Variants in GNL3L observed in about 807,000 individuals in gnomAD.
GNL3L encodes guanine nucleotide-binding protein-like 3-like protein.
GNL3L carries 4 observed loss-of-function variants against 42.9 expected under a neutral mutation model. The observed-to-expected ratio is 0.09, with a 90% CI of 0.05 to 0.21. The LOEUF (loss-of-function observed/expected upper bound fraction) is 0.21, where lower values mean the gene tolerates loss of function less well. GNL3L is among the 10% of genes least tolerant of loss of function. The pLI, the probability that GNL3L is intolerant of heterozygous loss-of-function variation, is 1.00. For missense variants in GNL3L, 412 were observed against 481.7 expected (o/e 0.86, Z 1.36); for synonymous variants, 159 against 176.3 (o/e 0.90, Z 0.78).
intron 12 of GNL3L, 150 bp from the exon 13 acceptor site, chrX:54,552,142 A>G (rs758906988): frequency 2.5e-5 from 19 of 770,755 alleles, no homozygotes; most frequent in Non-Finnish European, 3.3e-5. Flanking sequence ...CCCAGTGATT[A>G]TCCAGCAACT....
Position 54,563,240 on chromosome X carries a change from G to T in GNL3L, c.*2638G>T, listed in dbSNP as rs957152398. The stretch of plus-strand genomic sequence containing the variant: ...TACAGACAGTCCCCGACTTTTGGTG[G>T]TTTGATGTGGGATTTTTGGTGGAAA... On this transcript the variant is annotated 3_prime_UTR_variant, in exon 16 of 16. Transcript: ENST00000360845. 9.0e-6 allele frequency among the ~76,000 whole-genome samples: 1 copy of T among 111,344 alleles called. No homozygotes were observed. The highest frequency in any genetic ancestry group is 3.3e-5 in the African/African-American group (1 of 30,629).
rs869217575 is a variant in GNL3L, at chrX:54,579,986, G to GTTT, written c.*45+19364_*45+19366dup. Among the ~76,000 whole-genome samples, 128 of 47,661 alleles carry GTTT rather than the reference G, an allele frequency of 2.7e-3. 14 individuals carry two copies. Among genetic ancestry groups the GTTT allele is most frequent in the African/African-American group, 1.0e-2 (102 of 10,202 alleles). The allele number at this position is 47,661 out of a possible 115,157, so 41.4% of individuals were successfully genotyped here. ...AGCCACTGTGCCTGGCCTAAAGTTT[G>GTTT]TTTTTTTTTTTTTTTTTTTTTTTTT... On this transcript the variant is annotated intron_variant, in intron 16 of 16. Transcript: ENST00000674498.
chrX:54,644,823 C>T, the GNL3L span, among the ~76,000 whole-genome samples: 1 of 111,214 alleles, frequency 9.0e-6, no homozygotes, highest in Non-Finnish European at 1.9e-5. Flanking sequence ...ACATTTTGAC[C>T]GGGATTATAT....
intron 16 of GNL3L, among the ~76,000 whole-genome samples, chrX:54,584,169 C>T (rs1925752368): frequency 9.6e-6 from 1 of 104,233 alleles, no homozygotes; most frequent in African/African-American, 3.6e-5. Flanking sequence ...GCAACCTCTG[C>T]TTCCTGGGTT....
At chrX:54,603,504 G>C (rs1048100151) in intron 16 of GNL3L, among the ~76,000 whole-genome samples, 1 of 111,425 alleles carries the variant, frequency 9.0e-6, no homozygotes, top group Non-Finnish European at 1.9e-5. Flanking sequence ...AAAGGTAAAA[G>C]AATAAATTTA....
intron 16 of GNL3L, among the ~76,000 whole-genome samples, chrX:54,594,791 G>A (rs1226950266): frequency 9.1e-6 from 1 of 110,150 alleles, no homozygotes; most frequent in Non-Finnish European, 1.9e-5. Flanking sequence ...TTTTTGATTT[G>A]AGGTTACCAC....
In GNL3L at chrX:54,566,359, C is replaced by T. The variant is rs1397570909; in HGVS notation, c.*5757C>T. Among the ~76,000 whole-genome samples the T allele has an allele frequency of 3.6e-5, 4 of 111,569 alleles. No individual in the cohort carries two copies. The highest frequency in any genetic ancestry group is 1.3e-4 in the African/African-American group (4 of 30,636). On this transcript the variant is annotated 3_prime_UTR_variant, in exon 16 of 16. Transcript: ENST00000360845. The stretch of plus-strand genomic sequence containing the variant: ...TCGTTGATAGACATTTAGGTCGATT[C>T]CATGTCTTTGGTATTGTGAATAGTG...
intron 5 of GNL3L, among the ~76,000 whole-genome samples, chrX:54,541,662 T>C (rs1376417660): frequency 9.3e-6 from 1 of 107,862 alleles, no homozygotes; most frequent in East Asian, 2.9e-4. Flanking sequence ...AGTTGGGGGC[T>C]GGGAGAGTTA....
the GNL3L span, among the ~76,000 whole-genome samples, chrX:54,631,846 G>A: frequency 9.0e-6 from 1 of 111,261 alleles, no homozygotes; most frequent in Non-Finnish European, 1.9e-5. Flanking sequence ...TTTCCATTGT[G>A]TTATTGTTTT....
chrX:54,575,273 T>C (rs1417813637), intron 16 of GNL3L, among the ~76,000 whole-genome samples: 1 of 112,728 alleles, frequency 8.9e-6, no homozygotes, highest in Non-Finnish European at 1.9e-5. Context: ...CAGCTCAATA[T>C]ATTTTAAATT....
intron 16 of GNL3L, among the ~76,000 whole-genome samples, chrX:54,605,555 G>C (rs1926049783): frequency 9.0e-6 from 1 of 111,583 alleles, no homozygotes; most frequent in East Asian, 2.8e-4. Context: ...GGATAACTGT[G>C]CTGATCTTAG....
the GNL3L span, among the ~76,000 whole-genome samples, chrX:54,634,645 ATTT>A: frequency 1.1e-5 from 1 of 93,182 alleles, no homozygotes; most frequent in African/African-American, 4.0e-5. Flanking sequence ...AGCCTGGCTA[ATTT>A]TTTTTTTTTT....
rs1220705841 is a variant in GNL3L at position 54,560,571 on chromosome X, C to T, written c.1718C>T (p.Ser573Phe). 1 of 1,168,163 alleles carries T rather than the reference C, an allele frequency of 8.6e-7. No homozygotes were observed. Among genetic ancestry groups the T allele is most frequent in the Non-Finnish European group, 1.2e-6 (1 of 855,654 alleles). ...TCCATGATGTCTGCTCTCGACCTCT[C>T]TGGCAATGCTGATGATGGTGTTGGT... ...SDSMMSALDLSGNADDGVGD is the reference protein window; with the variant it reads ...SDSMMSALDLFGNADDGVGD The change falls in exon 16 of 16, where the codon TCT becomes TTT. Residue 573 changes from serine (S) to phenylalanine (F), a missense_variant. Coordinates refer to ENST00000360845, the MANE Select transcript of GNL3L (RefSeq NM_001184819.2).
At chrX:54,627,018 T>G in the GNL3L span, among the ~76,000 whole-genome samples, 2 of 110,901 alleles carry the variant, frequency 1.8e-5, no homozygotes, top group Non-Finnish European at 3.8e-5. Context: ...CTTTTCAATT[T>G]TTTTTTTTGA....
At chrX:54,634,627 TGCCACCAA>T in the GNL3L span, among the ~76,000 whole-genome samples, 1 of 99,484 alleles carries the variant, frequency 1.0e-5, no homozygotes, top group Non-Finnish European at 2.0e-5. Context: ...TACAGGTGCA[TGCCACCAA>T]GCCTGGCTAA....
rs2298284 is a variant in GNL3L at position 54,551,663 on chromosome X, G to A, written c.959G>A (p.Arg320His). 7.7e-5 allele frequency: 93 copies of A among 1,209,284 alleles called. No homozygotes were observed. In the East Asian group the frequency reaches 2.1e-3, roughly 27 times the overall value. ...AACTCAGAGGTGGGCACCATCCTGC[G>A]TAACTGCGTCCACGTGCAGAAGCTG... is the stretch of plus-strand genomic sequence containing the variant. Reference protein sequence around the residue: ...GPNSEVGTILRNCVHVQKLAD... With the variant: ...GPNSEVGTILHNCVHVQKLAD... The change falls in exon 11 of 16, where the codon CGT becomes CAT. Residue 320 changes from arginine (R) to histidine (H), a missense_variant. Coordinates refer to ENST00000360845, the MANE Select transcript of GNL3L (RefSeq NM_001184819.2).
chrX:54,552,435 G>C lies in GNL3L; in HGVS notation c.1318+7G>C, dbSNP rs1924975242. 1 of 1,206,778 alleles carries C rather than the reference G, an allele frequency of 8.3e-7. No individual in the cohort carries two copies. The highest frequency in any genetic ancestry group is 1.7e-5 in the African/African-American group (1 of 57,747). On this transcript the variant is annotated splice_region_variant and intron_variant, in intron 13 of 15. Transcript: ENST00000360845. ...AATGAAGACACCATGGAATGTAAGT[G>C]TGGGCAGGGTGGGTGCACTTGGTCT...
At chrX:54,616,044 T>G (rs756106465) in intron 16 of GNL3L, among the ~76,000 whole-genome samples, 6 of 113,299 alleles carry the variant, frequency 5.3e-5, no homozygotes, top group Non-Finnish European at 1.1e-4. Flanking sequence ...GTGATTTTAA[T>G]ATTATCATGG....
At chrX:54,642,566 T>G in the GNL3L span, among the ~76,000 whole-genome samples, 136 of 111,168 alleles carry the variant, frequency 1.2e-3, 1 homozygote, top group East Asian at 0.023. Context: ...TTCGCCAGCT[T>G]TAAACAGAGA....
Sources: allele counts gnomAD v4.1 joint callset (sites outside exome capture counted in the v4.1 genomes callset), GRCh38; gene constraint gnomAD v4.1.1; transcripts MANE v1.5; gene names NCBI Gene and HGNC (gene_info 2026-07-23, HGNC 2026-07-21).